DCDC2C: variants seen among roughly 807,000 people sequenced by gnomAD.
DCDC2C encodes the protein doublecortin domain containing 2C.
In DCDC2C, 44 loss-of-function variants were observed where a neutral mutation model predicts 45.0. The observed-to-expected ratio is 0.98, with a 90% CI of 0.77 to 1.26. The LOEUF is 1.26. Ranked by LOEUF, DCDC2C falls within the 50% of genes most tolerant of loss-of-function variation. The probability of loss-of-function intolerance (pLI) is 0.00; values close to 1 mark genes in which losing one functional copy is unlikely to be tolerated. For synonymous variants in DCDC2C, 187 were observed against 178.8 expected (o/e 1.05, Z -0.37); for missense variants, 447 against 468.9 (o/e 0.95, Z 0.43).
intron 2 of DCDC2C, 67 bp from the exon 3 acceptor site, chr2:3,726,936 A>T: frequency 7.2e-7 from 1 of 1,385,258 alleles, no homozygotes; most frequent in Non-Finnish European, 1.0e-6. Context: ...TGCTGTGCAC[A>T]CTGTTGAGTT....
Position 3,761,895 on chromosome 2 carries a change from T to A in DCDC2C, c.727-5859T>A, listed in dbSNP as rs977510499. Among the ~76,000 whole-genome samples, 2 of 152,194 alleles carry A rather than the reference T, an allele frequency of 1.3e-5. No homozygotes were observed. Among genetic ancestry groups the A allele is most frequent in the African/African-American group, 4.8e-5 (2 of 41,438 alleles). On this transcript the variant is annotated intron_variant, in intron 6 of 10. Transcript: ENST00000399143. The surrounding 1 kb of genome is among the most constrained non-coding windows in gnomAD (Gnocchi z 4.3). ...TATAGCTGGATTAATTGAAATAGGC[T>A]CTGGAGAAAAATAATAGTCTTTAAA...
At chr2:3,742,077 C>T (rs1255039779) in intron 4 of DCDC2C, 29 bp downstream of exon 4, 1 of 1,493,576 alleles carries the variant, frequency 6.7e-7, no homozygotes, top group Non-Finnish European at 8.9e-7. Context: ...TTAGGACAGC[C>T]AGGGGGCGGC....
chr2:3,772,937 G>C (rs1670221642), intron 8 of DCDC2C, among the ~76,000 whole-genome samples: 2 of 152,194 alleles, frequency 1.3e-5, no homozygotes, highest in South Asian at 2.1e-4. Context: ...ACAGAGTTCT[G>C]TGGGTGCTCA....
intron 2 of DCDC2C, among the ~76,000 whole-genome samples, chr2:3,720,372 C>G (rs1443827775): frequency 6.8e-6 from 1 of 147,010 alleles, no homozygotes; most frequent in Non-Finnish European, 1.5e-5. Flanking sequence ...AAAGCCTGCA[C>G]TCTCCCTGCC....
intron 6 of DCDC2C, among the ~76,000 whole-genome samples, chr2:3,758,407 T>C (rs976097526): frequency 1.1e-4 from 16 of 152,358 alleles, no homozygotes; most frequent in African/African-American, 2.6e-4. Flanking sequence ...AACTGCTGTG[T>C]AAAATATCCT....
At chr2:3,833,698 A>G (rs1334967935) in intron 10 of DCDC2C, among the ~76,000 whole-genome samples, 1 of 152,256 alleles carries the variant, frequency 6.6e-6, no homozygotes, top group Non-Finnish European at 1.5e-5. Flanking sequence ...TTATCCAGCC[A>G]TGTAGGAGGT....
At chr2:3,759,059 C>T (rs757012281) in intron 6 of DCDC2C, among the ~76,000 whole-genome samples, 2 of 152,190 alleles carry the variant, frequency 1.3e-5, no homozygotes, top group African/African-American at 4.8e-5. Context: ...AAAGGATTGC[C>T]TTCGACTCTG....
At chr2:3,713,874 C>T (rs1668283369) in intron 2 of DCDC2C, among the ~76,000 whole-genome samples, 1 of 152,194 alleles carries the variant, frequency 6.6e-6, no homozygotes, top group Non-Finnish European at 1.5e-5. Context: ...TATTATTATT[C>T]ATAATGCCTT....
At chr2:3,733,556 C>T (rs116546313) in intron 3 of DCDC2C, among the ~76,000 whole-genome samples, 2,441 of 152,134 alleles carry the variant, frequency 0.016, 39 homozygotes, top group Non-Finnish European at 0.023. Flanking sequence ...ATTTTTTGCC[C>T]ACAGTTCTGG....
At chr2:3,833,693 CAGCCATGTAGGAGGTCT>C (rs1234552998) in intron 10 of DCDC2C, among the ~76,000 whole-genome samples, 1 of 152,190 alleles carries the variant, frequency 6.6e-6, no homozygotes, top group African/African-American at 2.4e-5. Context: ...AAAGCTTATC[CAGCCATGTAGGAGGTCT>C]AGCTTACTTA....
intron 4 of DCDC2C, among the ~76,000 whole-genome samples, chr2:3,746,170 T>C (rs115401334): frequency 0.024 from 3,712 of 152,102 alleles, 153 homozygotes; most frequent in African/African-American, 0.084. Flanking sequence ...AGGAAACACG[T>C]CATGTGAGCA....
intron 2 of DCDC2C, among the ~76,000 whole-genome samples, chr2:3,714,715 A>G (rs1668305222): frequency 6.6e-6 from 1 of 152,262 alleles, no homozygotes; most frequent in African/African-American, 2.4e-5. Context: ...AGTGTTTTAC[A>G]TGATTTCCTG....
Position 3,838,454 on chromosome 2 carries a change from G to C in DCDC2C, c.1066-8700G>C, listed in dbSNP as rs917127472. Among the ~76,000 whole-genome samples, 6 of 65,994 alleles carry C rather than the reference G, an allele frequency of 9.1e-5. No homozygotes were observed. In the Admixed American group the frequency reaches 9.4e-4, roughly 10 times the overall value. 43.3% of individuals were successfully genotyped at this position (65,994 alleles called of 152,430 possible). On this transcript the variant is annotated intron_variant, in intron 10 of 10. Coordinates refer to ENST00000399143, the MANE Select transcript of DCDC2C (RefSeq NM_001287444.2). ...GTTGTGGTCCCCAAGGATCATGACA[G>C]AGAGAGAGAGAGAGAGAGAGAGAGA...
At chr2:3,845,611 A>G (rs1215108637) in intron 10 of DCDC2C, among the ~76,000 whole-genome samples, 1 of 152,258 alleles carries the variant, frequency 6.6e-6, no homozygotes, top group Non-Finnish European at 1.5e-5. Flanking sequence ...AATAGGAACC[A>G]TTGCCATCTC....
At chr2:3,807,722 G>T (rs1438176961) in intron 10 of DCDC2C, among the ~76,000 whole-genome samples, 1 of 151,610 alleles carries the variant, frequency 6.6e-6, no homozygotes, top group Non-Finnish European at 1.5e-5. Context: ...GCCCCTCTGT[G>T]GTCACCTCTC....
chr2:3,703,996 G>C lies in DCDC2C; in HGVS notation c.245G>C (p.Gly82Ala). ...VLGLDALQAG[G>A]KYVAAGRERF... ...GGGCTGGACGCGCTGCAGGCGGGCG[G>C]CAAGTACGTGGCGGCGGGCCGCGAG... Residue 82 changes from glycine to alanine, a missense_variant, in exon 1 of 11, where the codon GGC becomes GCC. Gly to Ala is a moderately conservative substitution (Grantham distance 60, BLOSUM62 0). Transcript: ENST00000399143. The surrounding 1 kb of genome is among the most constrained non-coding windows in gnomAD (Gnocchi z 4.4). The C allele has an allele frequency of 7.7e-7, 1 of 1,291,704 alleles. No individual in the cohort carries two copies. Among genetic ancestry groups the C allele is most frequent in the Admixed American group, 4.2e-5 (1 of 23,958 alleles). The allele number at this position is 1,291,704 out of a possible 1,614,324, so 80.0% of individuals were successfully genotyped here.
intron 10 of DCDC2C, among the ~76,000 whole-genome samples, chr2:3,828,291 G>C (rs1049979968): frequency 6.6e-6 from 1 of 152,200 alleles, no homozygotes; most frequent in African/African-American, 2.4e-5. Context: ...AATTGAAGCA[G>C]ATTGCCTCCT....
At chr2:3,776,415 C>T (rs1263077771) in intron 8 of DCDC2C, among the ~76,000 whole-genome samples, 2 of 152,198 alleles carry the variant, frequency 1.3e-5, no homozygotes, top group African/African-American at 4.8e-5. Context: ...AACAGCTCTT[C>T]CGCTCTGTGC....
At chr2:3,781,681 G>A (rs1244026074) in intron 9 of DCDC2C, among the ~76,000 whole-genome samples, 1 of 152,130 alleles carries the variant, frequency 6.6e-6, no homozygotes. Flanking sequence ...GAAACATAGT[G>A]AGACCCTGTT....
Sources: allele counts gnomAD v4.1 joint callset (sites outside exome capture counted in the v4.1 genomes callset), GRCh38; gene constraint gnomAD v4.1.1; non-coding constraint Gnocchi (gnomAD v3.1); transcripts MANE v1.5; gene names NCBI Gene and HGNC (gene_info 2026-07-23, HGNC 2026-07-21).